PRDM12: variants seen among roughly 807,000 people sequenced by gnomAD.
PRDM12 encodes the protein PR domain zinc finger protein 12.
In PRDM12, 17 loss-of-function variants were observed where a neutral mutation model predicts 29.6. That is an observed-to-expected ratio of 0.57 (90% CI 0.39 to 0.86). The LOEUF (loss-of-function observed/expected upper bound fraction) is 0.86. Among genes scored for constraint, PRDM12 ranks in the 40% least tolerant of loss-of-function variants. The pLI is 0.00. For synonymous variants in PRDM12, 231 were observed against 225.8 expected, an observed-to-expected ratio of 1.02 and a Z score of -0.21; for missense variants, 422 against 510.8, an observed-to-expected ratio of 0.83 and a Z score of 1.68.
At chr9:130,678,485 C>A in intron 3 of PRDM12, 44 bp from the exon 4 acceptor site, 1 of 1,457,314 alleles carries the variant, frequency 6.9e-7, no homozygotes, top group African/African-American at 1.4e-5. Flanking sequence ...CTCTCACCTC[C>A]CAGCTGCGGC....
chr9:130,668,125 G>A lies in PRDM12; in HGVS notation c.415-33G>A. On this transcript the variant is annotated intron_variant, in intron 2 of 4. Transcript: ENST00000253008. This position sits in a 1 kb window ranked among gnomAD's most constrained non-coding sequence, Gnocchi z 4.0. The stretch of plus-strand genomic sequence containing the variant: ...AAGATGGTACACATGGCATAGCCCT[G>A]CCTTACCTGGTCCTTGATCCATCTG... 6.2e-7 allele frequency: 1 copy of A among 1,612,572 alleles called. No homozygotes were observed. Among genetic ancestry groups the A allele is most frequent in the Non-Finnish European group, 8.5e-7 (1 of 1,178,924 alleles).
chr9:130,670,747 A>G (rs1218708839), intron 3 of PRDM12, among the ~76,000 whole-genome samples: 1 of 152,058 alleles, frequency 6.6e-6, no homozygotes, highest in African/African-American at 2.4e-5. Flanking sequence ...GAGGGCTCCA[A>G]CCCATCCCCT....
rs1415654697 is a variant in PRDM12 at position 130,681,315 on chromosome 9, C to T, written c.750C>T (p.Arg250=). 1.3e-6 allele frequency: 2 copies of T among 1,548,218 alleles called. No homozygotes were observed. Among genetic ancestry groups the T allele is most frequent in the East Asian group, 2.4e-5 (1 of 41,980 alleles). The change falls in exon 5 of 5, where the codon CGC becomes CGT. Residue 250 remains arginine (R), a synonymous_variant. Coordinates refer to ENST00000253008, the MANE Select transcript of PRDM12 (RefSeq NM_021619.3). The surrounding 1 kb of genome is among the most constrained non-coding windows in gnomAD (Gnocchi z 8.1). ...AGRMRCVICH[R]GFNSRSNLRS... is the part of the protein sequence containing the mutation. Reference sequence around the variant, plus strand: ...GCATGCGATGCGTCATCTGCCACCGCGGCTTCAACTCGCGCAGCAACCTGC... The same window carrying T: ...GCATGCGATGCGTCATCTGCCACCGTGGCTTCAACTCGCGCAGCAACCTGC...
intron 3 of PRDM12, among the ~76,000 whole-genome samples, chr9:130,670,114 TG>T (rs1433581470): frequency 6.6e-6 from 1 of 152,106 alleles, no homozygotes; most frequent in African/African-American, 2.4e-5. Context: ...CACAGGCTGC[TG>T]GGGGTAGGCT....
intron 1 of PRDM12, among the ~76,000 whole-genome samples, chr9:130,665,166 G>T (rs1369215490): frequency 6.6e-6 from 1 of 152,220 alleles, no homozygotes; most frequent in Non-Finnish European, 1.5e-5. Context: ...GAGCTGGCGG[G>T]TTCCCGGCAT....
intron 3 of PRDM12, among the ~76,000 whole-genome samples, chr9:130,673,488 C>G (rs1345160524): frequency 2.6e-5 from 4 of 152,004 alleles, no homozygotes; most frequent in Non-Finnish European, 5.9e-5. Flanking sequence ...GTGTCATTCT[C>G]AATTCCAGCA....
intron 3 of PRDM12, among the ~76,000 whole-genome samples, chr9:130,671,173 C>T (rs996019446): frequency 6.6e-6 from 1 of 151,962 alleles, no homozygotes; most frequent in Non-Finnish European, 1.5e-5. Flanking sequence ...GGTGAAACCC[C>T]GTCTCTACTA....
chr9:130,667,918 C>T (rs144101418), intron 2 of PRDM12, among the ~76,000 whole-genome samples: 1 of 152,290 alleles, frequency 6.6e-6, no homozygotes, highest in East Asian at 1.9e-4. Flanking sequence ...GCAACAGGAG[C>T]GTGTATCATG....
chr9:130,678,164 C>T (rs1830860311), intron 3 of PRDM12, among the ~76,000 whole-genome samples: 1 of 152,020 alleles, frequency 6.6e-6, no homozygotes, highest in African/African-American at 2.4e-5. Context: ...CCCTGCAGCC[C>T]TGGGGGCTGG....
Position 130,666,648 on chromosome 9 carries a change from G to T in PRDM12, c.264G>T (p.Val88=). Residue 88 remains valine (V), a synonymous_variant, in exon 2 of 5, where the codon GTG becomes GTT. Coordinates refer to ENST00000253008, the MANE Select transcript of PRDM12 (RefSeq NM_021619.3). ...KLSSLVLPAE[V]IIAQSSIPGE... is the part of the protein sequence containing the mutation. ...CCAGCCTGGTGCTGCCTGCGGAGGT[G>T]ATCATCGCTCAGAGCTCCATCCCTG... 1 of 1,613,258 alleles carries T rather than the reference G, an allele frequency of 6.2e-7. No individual in the cohort carries two copies. Among genetic ancestry groups the T allele is most frequent in the Non-Finnish European group, 8.5e-7 (1 of 1,179,768 alleles).
intron 3 of PRDM12, among the ~76,000 whole-genome samples, chr9:130,673,968 G>A (rs1173333691): frequency 2.0e-5 from 3 of 149,548 alleles, no homozygotes; most frequent in Non-Finnish European, 4.4e-5. Context: ...ACCGAGCCTG[G>A]CTATTATTTT....
chr9:130,681,867 TC>T lies in PRDM12; in HGVS notation c.*201del. On this transcript the variant is annotated 3_prime_UTR_variant, in exon 5 of 5. Transcript: ENST00000253008. This position sits in a 1 kb window ranked among gnomAD's most constrained non-coding sequence, Gnocchi z 8.1. ...GCAGATGAGGACACTGAGGGCGGCG[TC>T]CCTCACCCAGGCCACGCAGCTGGTG... 2.6e-6 allele frequency: 1 copy of T among 384,690 alleles called. No individual in the cohort carries two copies. Among genetic ancestry groups the T allele is most frequent in the Non-Finnish European group, 3.6e-6 (1 of 280,972 alleles). 23.8% of individuals were successfully genotyped at this position (384,690 alleles called of 1,614,324 possible).
Position 130,664,813 on chromosome 9 carries a change from A to G in PRDM12, c.160A>G (p.Ser54Gly). 6.4e-7 allele frequency: 1 copy of G among 1,568,798 alleles called. No individual in the cohort carries two copies. Residue 54 changes from serine to glycine, a missense_variant, in exon 1 of 5, where the codon AGC becomes GGC. By Grantham distance (56) the Ser-to-Gly change is moderately conservative. Coordinates refer to ENST00000253008, the MANE Select transcript of PRDM12 (RefSeq NM_021619.3). The surrounding 1 kb of genome is among the most constrained non-coding windows in gnomAD (Gnocchi z 6.4). ...VLGEQLFEDK[S>G]HHASPKTAFT... ...CGGGGAGCAGCTCTTCGAGGACAAG[A>G]GCCACCACGCCAGCCCCAAGACAGC...
chr9:130,680,673 T>TA (rs1830891837), intron 4 of PRDM12, among the ~76,000 whole-genome samples: 1 of 122,208 alleles, frequency 8.2e-6, no homozygotes, highest in Non-Finnish European at 1.7e-5. Flanking sequence ...TTTTTTTTTT[T>TA]AACTGATCCT....
At chr9:130,672,873 C>T (rs1411988521) in intron 3 of PRDM12, among the ~76,000 whole-genome samples, 3 of 152,084 alleles carry the variant, frequency 2.0e-5, no homozygotes, top group Non-Finnish European at 4.4e-5. Context: ...GAGAACAAAC[C>T]AAAAATTCTG....
In PRDM12 at chr9:130,680,659, A is replaced by ATATATATATATTTT; in HGVS notation, c.683-588_683-587insATATATATATTTTT. Among the ~76,000 whole-genome samples the ATATATATATATTTT allele has an allele frequency of 1.3e-3, 97 of 72,140 alleles. 1 individual carries two copies. Among genetic ancestry groups the ATATATATATATTTT allele is most frequent in the East Asian group, 2.6e-3 (4 of 1,552 alleles). 47.3% of individuals were successfully genotyped at this position (72,140 alleles called of 152,430 possible). A position where few individuals can be genotyped will look rare whatever the true frequency, so the allele number is the denominator to read the frequency against. On this transcript the variant is annotated intron_variant, in intron 4 of 4. Transcript: ENST00000253008. ...AATATATATATATATATATATATATATTTTTTTTTTTTTTAACTGATCCTT... is the reference window on the plus strand; with the variant it reads ...AATATATATATATATATATATATATATATATATATATTTTTTTTTTTTTTTTTTAACTGATCCTT...
intron 3 of PRDM12, among the ~76,000 whole-genome samples, chr9:130,673,014 G>A (rs1471732611): frequency 1.3e-5 from 2 of 152,228 alleles, no homozygotes; most frequent in Admixed American, 6.5e-5. Context: ...GTATTCCAGA[G>A]TTTTACTGAT....
chr9:130,667,506 T>C (rs1231766085), intron 2 of PRDM12, among the ~76,000 whole-genome samples: 1 of 147,276 alleles, frequency 6.8e-6, no homozygotes, highest in Non-Finnish European at 1.5e-5. Flanking sequence ...CCTAAACTCA[T>C]TCCCTCGCCC....
At chr9:130,675,304 T>A (rs1830831906) in intron 3 of PRDM12, among the ~76,000 whole-genome samples, 1 of 152,282 alleles carries the variant, frequency 6.6e-6, no homozygotes, top group African/African-American at 2.4e-5. Context: ...GGGGGCTTGC[T>A]GAGCCTCCCA....
Sources: allele counts gnomAD v4.1 joint callset (sites outside exome capture counted in the v4.1 genomes callset), GRCh38; gene constraint gnomAD v4.1.1; non-coding constraint Gnocchi (gnomAD v3.1); transcripts MANE v1.5; gene names NCBI Gene and HGNC (gene_info 2026-07-23, HGNC 2026-07-21).